Variants in NEGR1 observed in about 807,000 individuals in gnomAD.
NEGR1 encodes the protein neuronal growth regulator 1, also known as IgLON family member 4.
In NEGR1, 10 loss-of-function variants were observed where a neutral mutation model predicts 40.9. That is an observed-to-expected ratio of 0.24 (90% CI 0.15 to 0.42). The LOEUF is 0.42. NEGR1 is among the 10% of genes least tolerant of loss of function. The pLI, the probability that NEGR1 is intolerant of heterozygous loss-of-function variation, is 1.00. For missense variants in NEGR1, 352 were observed against 438.9 expected (o/e 0.80, Z 1.77); for synonymous variants, 185 against 166.8 (o/e 1.11, Z -0.84).
chr1:72,129,796 T>C (rs916842966), intron 1 of NEGR1, among the ~76,000 whole-genome samples: 6 of 152,204 alleles, frequency 3.9e-5, no homozygotes, highest in African/African-American at 1.4e-4. Context: ...CATCCCTCAC[T>C]GCTTTTGTTC....
intron 2 of NEGR1, among the ~76,000 whole-genome samples, chr1:71,901,872 T>C (rs1337975621): frequency 1.3e-5 from 2 of 151,968 alleles, no homozygotes; most frequent in Admixed American, 1.3e-4. Context: ...GATTTCACCA[T>C]GTTGGTCAGG....
chr1:71,742,700 C>A (rs1655252478), intron 3 of NEGR1, among the ~76,000 whole-genome samples: 1 of 152,092 alleles, frequency 6.6e-6, no homozygotes, highest in African/African-American at 2.4e-5. Context: ...ATGAATTAAA[C>A]CTTCAGTCAC....
chr1:72,261,311 A>G (rs550849430), intron 1 of NEGR1, among the ~76,000 whole-genome samples: 18 of 152,278 alleles, frequency 1.2e-4, no homozygotes, highest in African/African-American at 4.3e-4. Flanking sequence ...AATGTATTAT[A>G]AATATTTTCA....
At chr1:72,016,550 C>T (rs969446623) in intron 1 of NEGR1, among the ~76,000 whole-genome samples, 1 of 152,098 alleles carries the variant, frequency 6.6e-6, no homozygotes, top group African/African-American at 2.4e-5. Context: ...CTGGAATTTC[C>T]CCTAAACTTG....
chr1:72,165,562 G>GAAGCA (rs1651735304), intron 1 of NEGR1, among the ~76,000 whole-genome samples: 1 of 151,960 alleles, frequency 6.6e-6, no homozygotes, highest in African/African-American at 2.4e-5. Context: ...AGCAGGAAAA[G>GAAGCA]AAGCATTTCC....
chr1:71,455,805 A>AT (rs1465389129), intron 6 of NEGR1, among the ~76,000 whole-genome samples: 1 of 152,144 alleles, frequency 6.6e-6, no homozygotes, highest in Non-Finnish European at 1.5e-5. Context: ...AAAATTCTTA[A>AT]TTTATGATTT....
At chr1:71,671,108 G>T (rs747876178) in intron 4 of NEGR1, among the ~76,000 whole-genome samples, 2 of 152,144 alleles carry the variant, frequency 1.3e-5, no homozygotes, top group Non-Finnish European at 1.5e-5. Context: ...TGCAGTAAAA[G>T]AACTTTATAT....
At position 71,760,436 on chromosome 1, in the gene NEGR1, A is replaced by C; in HGVS notation, c.535+15736T>G. Among the ~76,000 whole-genome samples, 2 of 152,352 alleles carry C rather than the reference A, an allele frequency of 1.3e-5. 1 individual carries two copies. Among genetic ancestry groups the C allele is most frequent in the South Asian group, 4.1e-4 (2 of 4,832 alleles). On this transcript the variant is annotated intron_variant, in intron 3 of 6. Transcript: ENST00000357731. ...AAACAGACAAATGAAAGTTAAAATT[A>C]TAAAGAAAACTCTCAGAAAAAAGAG... is the stretch of plus-strand genomic sequence containing the variant.
intron 1 of NEGR1, among the ~76,000 whole-genome samples, chr1:72,192,876 A>G (rs1652865776): frequency 1.3e-5 from 2 of 151,774 alleles, no homozygotes; most frequent in Admixed American, 1.3e-4. Flanking sequence ...TCTATGTGTA[A>G]TACTTATAAG....
chr1:71,821,809 G>A (rs1303543252), intron 2 of NEGR1, among the ~76,000 whole-genome samples: 9 of 151,918 alleles, frequency 5.9e-5, no homozygotes, highest in African/African-American at 1.2e-4. Flanking sequence ...AGCTCCAAAC[G>A]ATGATTATCA....
At chr1:71,608,117 T>C (rs1474470438) in intron 5 of NEGR1, among the ~76,000 whole-genome samples, 2 of 152,242 alleles carry the variant, frequency 1.3e-5, no homozygotes, top group Non-Finnish European at 2.9e-5. Flanking sequence ...AACTTTGCTT[T>C]ACTTAAGTTT....
intron 6 of NEGR1, among the ~76,000 whole-genome samples, chr1:71,411,820 C>T (rs1646323322): frequency 1.3e-5 from 2 of 151,768 alleles, no homozygotes; most frequent in Admixed American, 6.6e-5. Context: ...GCCAACATGG[C>T]GAAACCCCGC....
At chr1:71,930,257 T>G (rs1041967147) in intron 2 of NEGR1, among the ~76,000 whole-genome samples, 1 of 152,154 alleles carries the variant, frequency 6.6e-6, no homozygotes. Context: ...TCCTTATACC[T>G]CACCGTGATG....
At chr1:71,523,751 C>G (rs1647181423) in intron 6 of NEGR1, among the ~76,000 whole-genome samples, 1 of 151,816 alleles carries the variant, frequency 6.6e-6, no homozygotes, top group South Asian at 2.1e-4. Flanking sequence ...AAATAGGAAG[C>G]TTCTTTTAAA....
intron 1 of NEGR1, among the ~76,000 whole-genome samples, chr1:71,978,158 T>C (rs915244143): frequency 6.6e-6 from 1 of 152,180 alleles, no homozygotes; most frequent in Non-Finnish European, 1.5e-5. Flanking sequence ...GCCTTTATAG[T>C]GGTGGGAGAG....
At chr1:71,414,341 C>G in intron 6 of NEGR1, among the ~76,000 whole-genome samples, 1 of 152,160 alleles carries the variant, frequency 6.6e-6, no homozygotes, top group Non-Finnish European at 1.5e-5. Context: ...TCCCCATGAG[C>G]AGCTGCAGGA....
At chr1:71,743,847 G>C (rs1208995643) in intron 3 of NEGR1, among the ~76,000 whole-genome samples, 1 of 152,138 alleles carries the variant, frequency 6.6e-6, no homozygotes, top group East Asian at 1.9e-4. Context: ...CCCTTAGTCA[G>C]ATAATTGAAG....
At chr1:71,611,177 T>C (rs1239279680) in intron 4 of NEGR1, 31 bp from the exon 5 acceptor site, 4 of 1,591,612 alleles carry the variant, frequency 2.5e-6, no homozygotes, top group Non-Finnish European at 3.4e-6. Context: ...CAAATACTAG[T>C]AGATAAGTAA....
intron 4 of NEGR1, among the ~76,000 whole-genome samples, chr1:71,623,858 A>G (rs1421316566): frequency 1.3e-5 from 2 of 151,890 alleles, no homozygotes; most frequent in African/African-American, 4.8e-5. Flanking sequence ...ATGAGAAGAA[A>G]ACTCTGCCTA....
Sources: gnomAD v4.1 joint callset for allele counts (sites outside exome capture counted in the v4.1 genomes callset) on GRCh38, gnomAD v4.1.1 for gene constraint, MANE v1.5 for transcripts, NCBI Gene and HGNC (gene_info 2026-07-23, HGNC 2026-07-21) for gene names.